Variants in AKAP3 observed in about 807,000 individuals in gnomAD.
The protein encoded by AKAP3 is A-kinase anchor protein 3.
In AKAP3, 27 loss-of-function variants were observed where a neutral mutation model predicts 57.2. That is an observed-to-expected ratio of 0.47 (90% confidence interval 0.35 to 0.65). The LOEUF (loss-of-function observed/expected upper bound fraction) is 0.65, where lower values mean the gene tolerates loss of function less well. Ranked by LOEUF, AKAP3 falls within the 30% of genes least tolerant of loss-of-function variation. AKAP3 has a pLI of 0.01. For synonymous variants in AKAP3, 334 were observed against 392.3 expected (o/e 0.85, Z 1.76); for missense variants, 959 against 1,040.0 (o/e 0.92, Z 1.07).
chr12:4,649,049 G>A lies in AKAP3; in HGVS notation c.-549C>T, dbSNP rs927792799. 5 of 1,518,064 alleles carry A rather than the reference G, an allele frequency of 3.3e-6. No individual in the cohort carries two copies. The highest frequency in any genetic ancestry group is 4.8e-5 in the East Asian group (2 of 41,320). The allele number at this position is 1,518,064 out of a possible 1,614,324, so 94.0% of individuals were successfully genotyped here. A position where few individuals can be genotyped will look rare whatever the true frequency, so the allele number is the denominator to read the frequency against. ...TTCTTGGTTAGCGCTTGCGCAGACA[G>A]GCGAGAAAGGTAAGTTTTGACCCAG... On this transcript the variant is annotated 5_prime_UTR_variant, in exon 1 of 6. Transcript: ENST00000228850.
chr12:4,618,591 TTTGTTGTGGGGC>T (rs1160959312), intron 5 of AKAP3, among the ~76,000 whole-genome samples: 1 of 152,216 alleles, frequency 6.6e-6, no homozygotes, highest in African/African-American at 2.4e-5. Context: ...GCCTTCTGGG[TTTGTTGTGGGGC>T]TATTTTGCTC....
chr12:4,635,340 G>T, intron 4 of AKAP3: 1 of 528,942 alleles, frequency 1.9e-6, no homozygotes, highest in Admixed American at 2.9e-5. Flanking sequence ...CAAACTGGAG[G>T]TTGAGTTACT....
At chr12:4,631,102 C>A (rs770987405) in intron 4 of AKAP3, among the ~76,000 whole-genome samples, 1 of 152,086 alleles carries the variant, frequency 6.6e-6, no homozygotes, top group Non-Finnish European at 1.5e-5. Context: ...TGCAGACATT[C>A]GGTTTTTCTA....
At chr12:4,641,365 C>T (rs1264049750) in intron 3 of AKAP3, among the ~76,000 whole-genome samples, 1 of 152,130 alleles carries the variant, frequency 6.6e-6, no homozygotes, top group Non-Finnish European at 1.5e-5. Flanking sequence ...ACACCAGGCG[C>T]TCCACATCTG....
intron 2 of AKAP3, among the ~76,000 whole-genome samples, chr12:4,643,014 G>A (rs1211747785): frequency 6.6e-6 from 1 of 152,150 alleles, no homozygotes; most frequent in Non-Finnish European, 1.5e-5. Flanking sequence ...TGGGAGATAC[G>A]TTCACCGCAC....
intron 4 of AKAP3, among the ~76,000 whole-genome samples, chr12:4,636,518 C>T (rs1945567700): frequency 6.6e-6 from 1 of 152,102 alleles, no homozygotes; most frequent in East Asian, 1.9e-4. Flanking sequence ...AACTGATCTG[C>T]CTTTTGTTTC....
intron 1 of AKAP3, among the ~76,000 whole-genome samples, chr12:4,647,088 G>A (rs918150617): frequency 6.6e-6 from 1 of 151,942 alleles, no homozygotes; most frequent in African/African-American, 2.4e-5. Context: ...TGGCCTCTTC[G>A]TCTTTGAAAT....
Position 4,615,609 on chromosome 12 carries a change from A to C in AKAP3, c.*130T>G. The C allele has an allele frequency of 1.7e-6, 2 of 1,180,162 alleles. No homozygotes were observed. The allele number at this position is 1,180,162 out of a possible 1,614,324, so 73.1% of individuals were successfully genotyped here. A position where few individuals can be genotyped will look rare whatever the true frequency, so the allele number is the denominator to read the frequency against. ...GCTAGCACAAGATGACATGTCTTTG[A>C]TGAGAGTGGTGTGAAGATAATGTTA... is the stretch of plus-strand genomic sequence containing the variant. On this transcript the variant is annotated 3_prime_UTR_variant, in exon 6 of 6. Coordinates refer to ENST00000228850, the MANE Select transcript of AKAP3 (RefSeq NM_001278309.2).
At chr12:4,635,657 G>C in intron 4 of AKAP3, 1 of 780,800 alleles carries the variant, frequency 1.3e-6, no homozygotes. Context: ...CCAATTTTTT[G>C]CTCTTGCAAA....
At chr12:4,638,547 T>C (rs1280112695) in intron 3 of AKAP3, among the ~76,000 whole-genome samples, 2 of 152,194 alleles carry the variant, frequency 1.3e-5, no homozygotes, top group Non-Finnish European at 1.5e-5. Context: ...GGATTTTCAG[T>C]AGACACTCAA....
intron 4 of AKAP3, chr12:4,635,927 C>A (rs1350336017): frequency 7.4e-6 from 6 of 807,130 alleles, no homozygotes; most frequent in Middle Eastern, 2.3e-4. Context: ...CCATCACCAA[C>A]ACTAGCAGTT....
At chr12:4,633,785 C>T (rs994457125) in intron 4 of AKAP3, among the ~76,000 whole-genome samples, 5 of 126,272 alleles carry the variant, frequency 4.0e-5, no homozygotes, top group Non-Finnish European at 6.7e-5. Flanking sequence ...TATTTCTCTT[C>T]TCCACCTTTG....
At chr12:4,635,696 G>C in intron 4 of AKAP3, 1 of 717,276 alleles carries the variant, frequency 1.4e-6, no homozygotes, top group Admixed American at 2.1e-5. Flanking sequence ...ATCATATACA[G>C]CTATGGCTGC....
Position 4,647,145 on chromosome 12 carries a change from T to C in AKAP3, c.-245+1600A>G, listed in dbSNP as rs185876033. 6.6e-5 allele frequency among the ~76,000 whole-genome samples: 10 copies of C among 152,276 alleles called. No homozygotes were observed. In the East Asian group the frequency reaches 1.9e-3, roughly 29 times the overall value. Reference sequence around the variant, plus strand: ...AAAATCTCTTCCAGCTCTAACATTCTATGATTTTGATACTTCAGTGGTATT... The same window carrying C: ...AAAATCTCTTCCAGCTCTAACATTCCATGATTTTGATACTTCAGTGGTATT... On this transcript the variant is annotated intron_variant, in intron 1 of 5. Coordinates refer to ENST00000228850, the MANE Select transcript of AKAP3 (RefSeq NM_001278309.2).
Position 4,627,525 on chromosome 12 carries a change from G to A in AKAP3, c.1377C>T (p.Thr459=), listed in dbSNP as rs1356317790. 2 of 1,614,074 alleles carry A rather than the reference G, an allele frequency of 1.2e-6. No individual in the cohort carries two copies. The highest frequency in any genetic ancestry group is 2.2e-5 in the South Asian group (2 of 91,082). ...LGEHIIKEGL[T]LWHKTQQKEC... ...CTTTCTGCTGAGTTTTATGCCACAA[G>A]GTAAGCCCCTCTTTGATAATGTGCT... Residue 459 remains threonine (T), a synonymous_variant, in exon 5 of 6, where the codon ACC becomes ACT. Transcript: ENST00000228850.
intron 5 of AKAP3, among the ~76,000 whole-genome samples, chr12:4,620,402 G>A (rs971736334): frequency 6.0e-5 from 9 of 150,688 alleles, no homozygotes; most frequent in African/African-American, 2.0e-4. Context: ...GCTTGAACCT[G>A]GGGGGCGGAG....
chr12:4,629,551 T>G (rs561516082), intron 4 of AKAP3, among the ~76,000 whole-genome samples: 1 of 152,258 alleles, frequency 6.6e-6, no homozygotes, highest in East Asian at 1.9e-4. Flanking sequence ...ACCTGGGTGA[T>G]TAAATAATCT....
At chr12:4,624,824 G>GTGTGTGTGTGTGTGTATATATA (rs143324716) in intron 5 of AKAP3, among the ~76,000 whole-genome samples, 90 of 141,100 alleles carry the variant, frequency 6.4e-4, no homozygotes, top group African/African-American at 2.3e-3. Flanking sequence ...GTGTGTGTGT[G>GTGTGTGTGTGTGTGTATATATA]TATATAAAAG....
intron 4 of AKAP3, among the ~76,000 whole-genome samples, chr12:4,630,072 T>C (rs948902208): frequency 1.3e-5 from 2 of 152,222 alleles, no homozygotes; most frequent in African/African-American, 4.8e-5. Context: ...CTATTTATTA[T>C]CAAATGTAAA....
Sources: allele counts gnomAD v4.1 joint callset (sites outside exome capture counted in the v4.1 genomes callset), GRCh38; gene constraint gnomAD v4.1.1; transcripts MANE v1.5; gene names NCBI Gene and HGNC (gene_info 2026-07-23, HGNC 2026-07-21).